The following ARHGAP42 variants were observed in gnomAD, a reference collection of about 807,000 sequenced individuals.
ARHGAP42 encodes rho GTPase-activating protein 42.
Under a neutral mutation model 125.0 loss-of-function variants are expected in ARHGAP42, and 63 were observed. The observed-to-expected ratio is 0.50, with a 90% CI of 0.41 to 0.62. ARHGAP42 has a LOEUF of 0.62. Among genes scored for constraint, ARHGAP42 ranks in the 20% least tolerant of loss-of-function variants. The pLI, the probability that ARHGAP42 is intolerant of heterozygous loss-of-function variation, is 0.00. For synonymous variants in ARHGAP42, 339 were observed against 351.0 expected, an observed-to-expected ratio of 0.97 and a Z score of 0.38; for missense variants, 766 against 1,024.2, an observed-to-expected ratio of 0.75 and a Z score of 3.44.
chr11:100,738,715 G>T (rs527647150), intron 1 of ARHGAP42, among the ~76,000 whole-genome samples: 1 of 152,254 alleles, frequency 6.6e-6, no homozygotes, highest in East Asian at 1.9e-4. Flanking sequence ...GACTACTAAA[G>T]GTAGTTAAGA....
intron 1 of ARHGAP42, among the ~76,000 whole-genome samples, chr11:100,744,871 C>T (rs545974452): frequency 4.6e-5 from 7 of 152,220 alleles, no homozygotes; most frequent in South Asian, 2.1e-4. Context: ...ACTTGGGATG[C>T]GCCCTTACAG....
At chr11:100,693,681 G>T (rs977868015) in intron 1 of ARHGAP42, among the ~76,000 whole-genome samples, 39 of 152,278 alleles carry the variant, frequency 2.6e-4, no homozygotes, top group African/African-American at 8.7e-4. Flanking sequence ...AACAGTTCCT[G>T]TCTAGTGGAG....
At chr11:100,779,120 G>C (rs1012478138) in intron 2 of ARHGAP42, among the ~76,000 whole-genome samples, 12 of 152,000 alleles carry the variant, frequency 7.9e-5, no homozygotes, top group African/African-American at 2.9e-4. Flanking sequence ...TCACTTTAGG[G>C]TAAATAGAAT....
At chr11:100,785,737 C>G (rs902307213) in intron 2 of ARHGAP42, among the ~76,000 whole-genome samples, 1 of 152,070 alleles carries the variant, frequency 6.6e-6, no homozygotes, top group Non-Finnish European at 1.5e-5. Flanking sequence ...CTGATTATTC[C>G]CCTTCAGTCA....
intron 5 of ARHGAP42, among the ~76,000 whole-genome samples, chr11:100,914,863 C>T (rs183999198): frequency 1.7e-4 from 26 of 152,258 alleles, no homozygotes; most frequent in Admixed American, 9.2e-4. Flanking sequence ...CTTGACAACT[C>T]AGAGTGTTAC....
At chr11:100,857,916 G>A (rs1278908581) in intron 3 of ARHGAP42, among the ~76,000 whole-genome samples, 1 of 152,074 alleles carries the variant, frequency 6.6e-6, no homozygotes, top group Non-Finnish European at 1.5e-5. Flanking sequence ...TGCTTGTGAA[G>A]GACTTATTGC....
intron 4 of ARHGAP42, among the ~76,000 whole-genome samples, chr11:100,876,319 G>C (rs976885406): frequency 6.6e-6 from 1 of 152,090 alleles, no homozygotes; most frequent in African/African-American, 2.4e-5. Flanking sequence ...TTAGTTTAGG[G>C]CTATAGCTTA....
At chr11:100,706,643 C>T (rs1036878015) in intron 1 of ARHGAP42, among the ~76,000 whole-genome samples, 1 of 152,108 alleles carries the variant, frequency 6.6e-6, no homozygotes, top group Non-Finnish European at 1.5e-5. Flanking sequence ...ATTTATATTT[C>T]CTGTTTGTAA....
intron 1 of ARHGAP42, among the ~76,000 whole-genome samples, chr11:100,733,843 A>AAG (rs1490857233): frequency 1.3e-5 from 2 of 150,160 alleles, no homozygotes; most frequent in African/African-American, 4.9e-5. Context: ...AAAAAAAAAA[A>AAG]AAAAAAAAGC....
At chr11:100,844,704 A>G (rs544379064) in intron 3 of ARHGAP42, among the ~76,000 whole-genome samples, 15 of 152,304 alleles carry the variant, frequency 9.8e-5, no homozygotes, top group South Asian at 6.2e-4. Flanking sequence ...TCTCAACATC[A>G]CTAATGATCA....
At chr11:100,726,069 C>A (rs1861855833) in intron 1 of ARHGAP42, among the ~76,000 whole-genome samples, 2 of 137,476 alleles carry the variant, frequency 1.5e-5, no homozygotes, top group African/African-American at 2.8e-5. Context: ...GGGAGAAAGA[C>A]CTTGTCTCTC....
chr11:100,812,080 T>TA (rs1468051501), intron 3 of ARHGAP42, among the ~76,000 whole-genome samples: 2 of 152,134 alleles, frequency 1.3e-5, no homozygotes, highest in African/African-American at 4.8e-5. Flanking sequence ...GGATTACAGA[T>TA]ATGAGCCACC....
chr11:100,901,086 C>G (rs1434134294), intron 4 of ARHGAP42, among the ~76,000 whole-genome samples: 1 of 152,044 alleles, frequency 6.6e-6, no homozygotes, highest in Non-Finnish European at 1.5e-5. Flanking sequence ...TGTGGACATC[C>G]TTTTTGTTGA....
At chr11:100,952,222 A>C (rs1479425772) in intron 12 of ARHGAP42, among the ~76,000 whole-genome samples, 1 of 152,180 alleles carries the variant, frequency 6.6e-6, no homozygotes, top group Non-Finnish European at 1.5e-5. Context: ...GTTTTCATAA[A>C]TCTGACAGAA....
At chr11:100,978,355 A>T (rs1358115786) in intron 21 of ARHGAP42, among the ~76,000 whole-genome samples, 1 of 152,190 alleles carries the variant, frequency 6.6e-6, no homozygotes, top group East Asian at 1.9e-4. Flanking sequence ...AATTTTATAG[A>T]GTCTTCCAGT....
intron 1 of ARHGAP42, among the ~76,000 whole-genome samples, chr11:100,695,851 T>G (rs1471758082): frequency 1.3e-5 from 2 of 152,120 alleles, no homozygotes; most frequent in Non-Finnish European, 2.9e-5. Context: ...AGAGGAAAAA[T>G]AAGCCTGAAT....
chr11:100,759,412 C>T (rs1191726563), intron 1 of ARHGAP42, among the ~76,000 whole-genome samples: 1 of 152,080 alleles, frequency 6.6e-6, no homozygotes, highest in African/African-American at 2.4e-5. Flanking sequence ...CTTAATTTAC[C>T]TCTCCTAAAT....
intron 4 of ARHGAP42, among the ~76,000 whole-genome samples, chr11:100,885,945 T>C (rs554528242): frequency 2.0e-5 from 3 of 152,316 alleles, no homozygotes; most frequent in South Asian, 2.1e-4. Context: ...CGTAATTGCA[T>C]TGTGTCCTAA....
At chr11:100,782,333 A>G (rs1366702138) in intron 2 of ARHGAP42, among the ~76,000 whole-genome samples, 1 of 152,246 alleles carries the variant, frequency 6.6e-6, no homozygotes, top group Non-Finnish European at 1.5e-5. Context: ...AAAATCCTTT[A>G]TGCATCAAGA....
Sources: allele counts gnomAD v4.1 joint callset (sites outside exome capture counted in the v4.1 genomes callset), GRCh38; gene constraint gnomAD v4.1.1; transcripts MANE v1.5; gene names NCBI Gene and HGNC (gene_info 2026-07-23, HGNC 2026-07-21).